ATP13A5: variants seen among roughly 807,000 people sequenced by gnomAD.
ATP13A5 encodes probable cation-transporting ATPase 13A5.
A neutral mutation model predicts 150.2 loss-of-function variants in ATP13A5; 149 were observed. That is an observed-to-expected ratio of 0.99 (90% confidence interval 0.87 to 1.14). The LOEUF is 1.14. ATP13A5 is among the 50% of genes most tolerant of loss of function. ATP13A5 has a pLI of 0.00. For synonymous variants in ATP13A5, 497 were observed against 522.2 expected (o/e 0.95, Z 0.66); for missense variants, 1,383 against 1,449.3 (o/e 0.95, Z 0.74).
intron 6 of ATP13A5, among the ~76,000 whole-genome samples, chr3:193,353,026 G>T (rs1044502364): frequency 1.3e-5 from 2 of 152,082 alleles, no homozygotes; most frequent in African/African-American, 4.8e-5. Flanking sequence ...GAAAACAAGG[G>T]TGGCCATGGG....
chr3:193,367,956 AG>A (rs1186270853), intron 1 of ATP13A5, among the ~76,000 whole-genome samples: 1 of 147,452 alleles, frequency 6.8e-6, no homozygotes, highest in Non-Finnish European at 1.5e-5. Context: ...GTGCAACGCA[AG>A]AAATAGAGAA....
At chr3:193,346,624 T>C (rs992024037) in intron 7 of ATP13A5, among the ~76,000 whole-genome samples, 1 of 152,194 alleles carries the variant, frequency 6.6e-6, no homozygotes, top group Non-Finnish European at 1.5e-5. Context: ...ATTGTTTTGA[T>C]CTGTTCTGTT....
intron 27 of ATP13A5, among the ~76,000 whole-genome samples, chr3:193,280,837 G>A (rs767323206): frequency 6.6e-6 from 1 of 152,028 alleles, no homozygotes; most frequent in Non-Finnish European, 1.5e-5. Flanking sequence ...AACAAACTAG[G>A]TTTTCTCTTA....
chr3:193,293,108 A>G (rs111439997), intron 25 of ATP13A5, among the ~76,000 whole-genome samples: 1 of 152,090 alleles, frequency 6.6e-6, no homozygotes, highest in African/African-American at 2.4e-5. Context: ...TTAGTGAGTG[A>G]CAGCATGGCA....
chr3:193,307,951 A>C (rs931668517), intron 21 of ATP13A5, among the ~76,000 whole-genome samples: 5 of 152,230 alleles, frequency 3.3e-5, no homozygotes, highest in Non-Finnish European at 7.3e-5. Flanking sequence ...TACGGCTGCC[A>C]AAGAAAAGGA....
rs1391345482 is a variant in ATP13A5 at position 193,274,852 on chromosome 3, A to AT, written c.*189dup. On this transcript the variant is annotated 3_prime_UTR_variant, in exon 30 of 30. Coordinates refer to ENST00000342358, the MANE Select transcript of ATP13A5 (RefSeq NM_198505.4). ...TACAGGAAATGCATTTTTTTCTCTC[A>AT]TTGGTAAAGCATACAGTCAGAATAA... 5.6e-6 allele frequency: 4 copies of AT among 714,268 alleles called. No individual in the cohort carries two copies. Among genetic ancestry groups the AT allele is most frequent in the Non-Finnish European group, 9.2e-6 (4 of 432,724 alleles). 44.2% of individuals were successfully genotyped at this position (714,268 alleles called of 1,614,324 possible).
chr3:193,307,184 A>C (rs922467263), intron 22 of ATP13A5, 143 bp downstream of exon 22: 2 of 1,508,012 alleles, frequency 1.3e-6, no homozygotes, highest in Non-Finnish European at 1.8e-6. Context: ...TCCAACCCAC[A>C]CTCAGGTAGA....
intron 13 of ATP13A5, among the ~76,000 whole-genome samples, chr3:193,325,481 CT>C (rs1719436720): frequency 6.6e-6 from 1 of 152,140 alleles, no homozygotes. Flanking sequence ...ATTGCAGGGA[CT>C]TTTTTCATAT....
In ATP13A5 at chr3:193,285,098, G is replaced by A; in HGVS notation, c.3042C>T (p.Asn1014=). The A allele has an allele frequency of 1.2e-6, 2 of 1,613,336 alleles. No individual in the cohort carries two copies. Among genetic ancestry groups the A allele is most frequent in the South Asian group, 2.2e-5 (2 of 90,908 alleles). Residue 1014 remains asparagine, a synonymous_variant, in exon 27 of 30, where the codon AAC becomes AAT. Coordinates refer to ENST00000342358, the MANE Select transcript of ATP13A5 (RefSeq NM_198505.4). Reference sequence around the variant, plus strand: ...TCACATTTGTTGAAAAATTACTTTGGTTGGCCAGAAAACACTCACTACAAA... The same window carrying A: ...TCACATTTGTTGAAAAATTACTTTGATTGGCCAGAAAACACTCACTACAAA... ...VYQYSECFLA[N]QSNFSTNVSL... is the part of the protein sequence containing the mutation.
chr3:193,341,423 C>T (rs753672463), intron 9 of ATP13A5, among the ~76,000 whole-genome samples: 23 of 152,166 alleles, frequency 1.5e-4, no homozygotes, highest in African/African-American at 4.8e-4. Flanking sequence ...AGTCCTCGTA[C>T]TGGGAGTTGG....
At chr3:193,335,192 A>G in intron 9 of ATP13A5, 93 bp from the exon 10 acceptor site, 1 of 1,191,578 alleles carries the variant, frequency 8.4e-7, no homozygotes, top group East Asian at 2.4e-5. Context: ...ACAAACCACA[A>G]CTAATCCGGT....
rs146721348 is a variant in ATP13A5 at position 193,290,318 on chromosome 3, G to A, written c.2849-259C>T. Among the ~76,000 whole-genome samples, 5 of 152,066 alleles carry A rather than the reference G, an allele frequency of 3.3e-5. No individual in the cohort carries two copies. In the South Asian group the frequency reaches 6.2e-4, roughly 19 times the overall value. On this transcript the variant is annotated intron_variant, in intron 25 of 29. Coordinates refer to ENST00000342358, the MANE Select transcript of ATP13A5 (RefSeq NM_198505.4). ...TTGTAATTAATATATTTACCATATC[G>A]CATGGTGCAACTATTTCCTCCATAA...
intron 26 of ATP13A5, among the ~76,000 whole-genome samples, chr3:193,289,004 T>G (rs1717836306): frequency 6.6e-6 from 1 of 152,256 alleles, no homozygotes; most frequent in Middle Eastern, 3.4e-3. Context: ...ATCTAGTGTT[T>G]AAACAGAATG....
intron 16 of ATP13A5, among the ~76,000 whole-genome samples, chr3:193,320,100 GA>G (rs1232966508): frequency 6.6e-6 from 1 of 152,212 alleles, no homozygotes; most frequent in African/African-American, 2.4e-5. Flanking sequence ...AAGGGTATTA[GA>G]GGGAACCACA....
Position 193,275,040 on chromosome 3 carries a change from G to C in ATP13A5, c.*2C>G. On this transcript the variant is annotated 3_prime_UTR_variant, in exon 30 of 30. Transcript: ENST00000342358. ...GTTGAGCATGTACGACGACAATTCT[G>C]ATTACAGCCTGGCCCAGAAATGCTG... is the stretch of plus-strand genomic sequence containing the variant. 1 of 1,614,082 alleles carries C rather than the reference G, an allele frequency of 6.2e-7. No homozygotes were observed. Among genetic ancestry groups the C allele is most frequent in the Non-Finnish European group, 8.5e-7 (1 of 1,179,998 alleles).
chr3:193,314,049 G>A lies in ATP13A5; in HGVS notation c.2303C>T (p.Thr768Ile), dbSNP rs1718951381. Residue 768 changes from threonine to isoleucine, a missense_variant, in exon 19 of 30, where the codon ACT becomes ATT. Around this residue, in one of 3 missense-constraint regions of ATP13A5, gnomAD observed 568 missense variants for 621.5 expected, o/e 0.91. Coordinates refer to ENST00000342358, the MANE Select transcript of ATP13A5 (RefSeq NM_198505.4). ...TTTGCTCACTTTCTTCCCAGGTCCA[G>A]TCTCTTGGTTCTCCACCAGCTGCCA... is the stretch of plus-strand genomic sequence containing the variant. ...VTWQLVENQE[T>I]GPGKKEIYMH... The A allele has an allele frequency of 1.9e-6, 3 of 1,613,242 alleles. No individual in the cohort carries two copies. Among genetic ancestry groups the A allele is most frequent in the African/African-American group, 2.7e-5 (2 of 74,910 alleles).
In ATP13A5 at chr3:193,314,122, T is replaced by C. The variant is rs1204669690; in HGVS notation, c.2230A>G (p.Ile744Val). 2 of 1,613,982 alleles carry C rather than the reference T, an allele frequency of 1.2e-6. No homozygotes were observed. Among genetic ancestry groups the C allele is most frequent in the Non-Finnish European group, 1.7e-6 (2 of 1,179,912 alleles). ...TCTTCTGGTTCATCGGCCTCAACAA[T>C]GATCACTTGGCTGCCTGGAGGGATC... ...EMIPPGSQVI[I>V]VEADEPEEFV... is the part of the protein sequence containing the mutation. Residue 744 changes from isoleucine (I) to valine (V), a missense_variant, in exon 19 of 30, where the codon ATT (isoleucine) becomes GTT (valine). Around this residue, in one of 3 missense-constraint regions of ATP13A5, gnomAD observed 568 missense variants for 621.5 expected, o/e 0.91. Coordinates refer to ENST00000342358, the MANE Select transcript of ATP13A5 (RefSeq NM_198505.4).
At chr3:193,329,794 C>A (rs3845934) in intron 12 of ATP13A5, among the ~76,000 whole-genome samples, 46 of 152,210 alleles carry the variant, frequency 3.0e-4, no homozygotes, top group African/African-American at 1.1e-3. Flanking sequence ...TACTCTCCAT[C>A]CTTGTCCTTT....
intron 17 of ATP13A5, 120 bp from the exon 18 acceptor site, chr3:193,315,216 T>C (rs1719005773): frequency 1.9e-6 from 2 of 1,072,344 alleles, no homozygotes; most frequent in Non-Finnish European, 2.6e-6. Flanking sequence ...ATTTTAAAAA[T>C]CAAAATGAAC....
Sources: allele counts gnomAD v4.1 joint callset (sites outside exome capture counted in the v4.1 genomes callset), GRCh38; gene constraint gnomAD v4.1.1; regional missense constraint gnomAD v4.1.1; transcripts MANE v1.5; gene names NCBI Gene and HGNC (gene_info 2026-07-23, HGNC 2026-07-21).